CLSTN2: variants seen among roughly 807,000 people sequenced by gnomAD.
The protein encoded by CLSTN2 is calsyntenin-2.
Under a neutral mutation model 101.2 loss-of-function variants are expected in CLSTN2, and 48 were observed. The observed-to-expected ratio is 0.47, with a 90% CI of 0.38 to 0.60. The LOEUF (loss-of-function observed/expected upper bound fraction) is 0.60, where lower values mean the gene tolerates loss of function less well. Among genes scored for constraint, CLSTN2 ranks in the 20% least tolerant of loss-of-function variants. CLSTN2 has a pLI of 0.00. For synonymous variants in CLSTN2, 481 were observed against 463.6 expected, an observed-to-expected ratio of 1.04 and a Z score of -0.48; for missense variants, 1,160 against 1,238.2, an observed-to-expected ratio of 0.94 and a Z score of 0.95.
intron 2 of CLSTN2, among the ~76,000 whole-genome samples, chr3:140,311,069 A>G (rs2087162395): frequency 2.6e-5 from 4 of 152,172 alleles, no homozygotes; most frequent in Admixed American, 2.6e-4. Flanking sequence ...ACAACAGCAG[A>G]GAGAGAAAGG....
At chr3:140,171,759 A>G (rs796506954) in intron 1 of CLSTN2, among the ~76,000 whole-genome samples, 2 of 79,050 alleles carry the variant, frequency 2.5e-5, no homozygotes, top group African/African-American at 9.6e-5. Context: ...TATGTATAAT[A>G]TATAATATAT....
At chr3:140,352,205 T>C (rs1341410350) in intron 2 of CLSTN2, among the ~76,000 whole-genome samples, 1 of 152,226 alleles carries the variant, frequency 6.6e-6, no homozygotes, top group African/African-American at 2.4e-5. Context: ...ATCTCTTAAT[T>C]ATAAAGTTAT....
At chr3:140,145,867 C>T (rs1226450866) in intron 1 of CLSTN2, among the ~76,000 whole-genome samples, 2 of 152,218 alleles carry the variant, frequency 1.3e-5, no homozygotes. Flanking sequence ...GGACAGATGG[C>T]ATTATAGAAC....
At chr3:139,965,480 A>G (rs996955161) in intron 1 of CLSTN2, among the ~76,000 whole-genome samples, 6 of 152,160 alleles carry the variant, frequency 3.9e-5, no homozygotes, top group African/African-American at 1.2e-4. Flanking sequence ...CTCCTGGGCC[A>G]TGGTCTCAGG....
chr3:140,458,221 T>A (rs1376242919), intron 6 of CLSTN2, among the ~76,000 whole-genome samples: 1 of 151,382 alleles, frequency 6.6e-6, no homozygotes, highest in Admixed American at 6.6e-5. Context: ...CTAGGTGAGA[T>A]GAGGCTCTGA....
intron 5 of CLSTN2, among the ~76,000 whole-genome samples, chr3:140,442,429 A>G (rs1453754096): frequency 6.6e-6 from 1 of 152,122 alleles, no homozygotes; most frequent in Non-Finnish European, 1.5e-5. Context: ...CCTTGTGCCC[A>G]CAGTTTCTTG....
At chr3:140,251,787 A>G (rs1220950258) in intron 2 of CLSTN2, among the ~76,000 whole-genome samples, 2 of 152,162 alleles carry the variant, frequency 1.3e-5, no homozygotes, top group East Asian at 3.9e-4. Context: ...TGAGGGGAAC[A>G]AAGAAGTAAA....
intron 1 of CLSTN2, among the ~76,000 whole-genome samples, chr3:140,077,530 T>G (rs16849822): frequency 0.11 from 16,293 of 152,200 alleles, 1,323 homozygotes; most frequent in East Asian, 0.28. Flanking sequence ...ACCACACATA[T>G]GTCTGCAAAT....
chr3:140,190,159 CCTGGGGG>C (rs2010539376), intron 2 of CLSTN2, among the ~76,000 whole-genome samples: 1 of 152,102 alleles, frequency 6.6e-6, no homozygotes, highest in Admixed American at 6.5e-5. Context: ...AATACTATCA[CCTGGGGG>C]ATTACGTTTC....
chr3:140,379,766 G>A (rs2087959482), intron 2 of CLSTN2, among the ~76,000 whole-genome samples: 1 of 151,988 alleles, frequency 6.6e-6, no homozygotes, highest in Admixed American at 6.6e-5. Context: ...AAGCTTGTAG[G>A]GTGTCTTTAA....
chr3:140,398,044 T>C (rs1224009816), intron 2 of CLSTN2, among the ~76,000 whole-genome samples: 1 of 139,500 alleles, frequency 7.2e-6, no homozygotes, highest in Non-Finnish European at 1.6e-5. Context: ...CTCTCAGTTC[T>C]TTTTCTTGGT....
At chr3:140,440,564 T>C (rs1225611371) in intron 5 of CLSTN2, among the ~76,000 whole-genome samples, 1 of 152,172 alleles carries the variant, frequency 6.6e-6, no homozygotes, top group African/African-American at 2.4e-5. Flanking sequence ...GGCTAAGTGG[T>C]TTGCATTTAT....
At chr3:140,066,440 C>T (rs6795400) in intron 1 of CLSTN2, among the ~76,000 whole-genome samples, 3,215 of 152,314 alleles carry the variant, frequency 0.021, 130 homozygotes, top group African/African-American at 0.073. Flanking sequence ...AGCCAATGAC[C>T]CTGTGAAAGA....
In CLSTN2 at chr3:139,935,990, C is replaced by T. The variant is rs1560047444; in HGVS notation, c.109+507C>T. Among the ~76,000 whole-genome samples the T allele has an allele frequency of 6.6e-6, 1 of 151,862 alleles. No homozygotes were observed. The highest frequency in any genetic ancestry group is 2.1e-4 in the South Asian group (1 of 4,806). ...TGACACTCCTCAAGCTCCCCCAGGG[C>T]GTCTCTGACTCCCCGGGGAACGTGT... On this transcript the variant is annotated intron_variant, in intron 1 of 16. Transcript: ENST00000458420. This position sits in a 1 kb window ranked among gnomAD's most constrained non-coding sequence, Gnocchi z 5.5.
chr3:139,964,664 G>A (rs1041918970), intron 1 of CLSTN2, among the ~76,000 whole-genome samples: 1 of 152,104 alleles, frequency 6.6e-6, no homozygotes, highest in African/African-American at 2.4e-5. Context: ...CCTTCTGGAG[G>A]GAGTGAGGTG....
intron 1 of CLSTN2, among the ~76,000 whole-genome samples, chr3:140,126,491 AG>A (rs1182323540): frequency 6.6e-6 from 1 of 152,126 alleles, no homozygotes; most frequent in Non-Finnish European, 1.5e-5. Flanking sequence ...AGGGACCTCT[AG>A]GTTTCCCTTA....
intron 4 of CLSTN2, among the ~76,000 whole-genome samples, chr3:140,411,492 C>T (rs1052339473): frequency 6.6e-6 from 1 of 152,158 alleles, no homozygotes; most frequent in Non-Finnish European, 1.5e-5. Flanking sequence ...AAACTACTTT[C>T]AACAATGGAT....
At chr3:140,286,004 T>C (rs553065475) in intron 2 of CLSTN2, among the ~76,000 whole-genome samples, 1 of 152,230 alleles carries the variant, frequency 6.6e-6, no homozygotes, top group South Asian at 2.1e-4. Flanking sequence ...TTTGTGACAA[T>C]GCAGGGGTGT....
chr3:140,102,741 A>G (rs1299565065), intron 1 of CLSTN2, among the ~76,000 whole-genome samples: 1 of 152,120 alleles, frequency 6.6e-6, no homozygotes, highest in African/African-American at 2.4e-5. Flanking sequence ...TGGAAAGAGA[A>G]CTCTAGTTGT....
Sources: gnomAD v4.1 joint callset for allele counts (sites outside exome capture counted in the v4.1 genomes callset) on GRCh38, gnomAD v4.1.1 for gene constraint, Gnocchi (gnomAD v3.1) non-coding constraint, MANE v1.5 for transcripts, NCBI Gene and HGNC (gene_info 2026-07-23, HGNC 2026-07-21) for gene names.